Variants in CLIC5 observed in about 807,000 individuals in gnomAD.
The protein encoded by CLIC5 is CLIC family member 5.
Under a neutral mutation model 24.7 loss-of-function variants are expected in CLIC5, and 20 were observed. The ratio of observed to expected loss-of-function variants is 0.81; its 90% confidence interval spans 0.57 to 1.18. CLIC5 has a LOEUF of 1.18. Among genes scored for constraint, CLIC5 ranks in the 50% most tolerant of loss-of-function variants. The pLI is 0.00. For synonymous variants in CLIC5, 159 were observed against 135.6 expected, an observed-to-expected ratio of 1.17 and a Z score of -1.20; for missense variants, 341 against 326.1, an observed-to-expected ratio of 1.05 and a Z score of -0.35.
chr6:45,889,656 G>A lies in CLIC5; in HGVS notation c.624-8468C>T, dbSNP rs1561911432. On this transcript the variant is annotated intron_variant, in intron 6 of 6. Transcript: ENST00000644324. The stretch of plus-strand genomic sequence containing the variant: ...ATGATGATCAGGGACAAGGAAGAGT[G>A]TGACAATTTCCAATGTTTACTGTGT... 5.3e-5 allele frequency among the ~76,000 whole-genome samples: 8 copies of A among 152,146 alleles called. No individual in the cohort carries two copies. In the South Asian group the frequency reaches 1.7e-3, roughly 32 times the overall value.
chr6:46,113,889 C>G, the CLIC5 span, among the ~76,000 whole-genome samples: 1 of 152,122 alleles, frequency 6.6e-6, no homozygotes, highest in African/African-American at 2.4e-5. Context: ...ATCCATAAGC[C>G]AAGGAGAGTG....
At position 46,015,513 on chromosome 6, in the gene CLIC5, G is replaced by A. The variant is rs1415759631; in HGVS notation, c.30C>T (p.Asp10=). MTDSATANG[D]DRDPEIELFV... ...AGAGCTCGATCTCGGGGTCCCTGTCGTCCCCGTTAGCTGTCGCCGAGTCTG... is the reference window on the plus strand; with the variant it reads ...AGAGCTCGATCTCGGGGTCCCTGTCATCCCCGTTAGCTGTCGCCGAGTCTG... Residue 10 remains aspartate (D), a synonymous_variant, in exon 1 of 6, where the codon GAC becomes GAT. Coordinates refer to ENST00000339561, the MANE Select transcript of CLIC5 (RefSeq NM_016929.5). The A allele has an allele frequency of 6.4e-7, 1 of 1,574,670 alleles. No homozygotes were observed. Among genetic ancestry groups the A allele is most frequent in the Non-Finnish European group, 8.6e-7 (1 of 1,161,870 alleles).
chr6:45,943,899 T>C (rs931132799), intron 3 of CLIC5, among the ~76,000 whole-genome samples: 2 of 152,198 alleles, frequency 1.3e-5, no homozygotes, highest in African/African-American at 2.4e-5. Flanking sequence ...GTCTCTAAGA[T>C]GTTAATCTCG....
At chr6:45,910,756 G>C (rs1313563488) in intron 5 of CLIC5, among the ~76,000 whole-genome samples, 1 of 152,126 alleles carries the variant, frequency 6.6e-6, no homozygotes, top group Non-Finnish European at 1.5e-5. Context: ...CTGGGGCTAG[G>C]ACTGAGCAGA....
intron 4 of CLIC5, among the ~76,000 whole-genome samples, chr6:45,931,923 G>A (rs990128392): frequency 1.3e-5 from 2 of 152,088 alleles, no homozygotes; most frequent in Non-Finnish European, 2.9e-5. Flanking sequence ...GCCTCCCAAA[G>A]TGCTGGGATT....
intron 1 of CLIC5, among the ~76,000 whole-genome samples, chr6:45,984,520 T>C (rs1765668706): frequency 1.3e-5 from 2 of 152,170 alleles, no homozygotes; most frequent in Non-Finnish European, 2.9e-5. Context: ...GTGCCCCGCC[T>C]CCACAGTTTT....
intron 5 of CLIC5, among the ~76,000 whole-genome samples, chr6:45,906,066 C>T (rs573955528): frequency 6.6e-6 from 1 of 152,242 alleles, no homozygotes; most frequent in African/African-American, 2.4e-5. Flanking sequence ...TTCCATTCAT[C>T]TATGTGTCTG....
At chr6:46,076,861 G>A (rs901255421) in intron 1 of CLIC5, among the ~76,000 whole-genome samples, 2 of 152,150 alleles carry the variant, frequency 1.3e-5, no homozygotes, top group Non-Finnish European at 2.9e-5. Context: ...GACATGGCTG[G>A]GCGCGGTGGC....
At chr6:45,979,557 G>T (rs2127412462) in intron 1 of CLIC5, among the ~76,000 whole-genome samples, 1 of 152,206 alleles carries the variant, frequency 6.6e-6, no homozygotes, top group East Asian at 1.9e-4. Context: ...GGGCTGACAA[G>T]ATTAGATATT....
chr6:45,906,686 C>A lies in CLIC5; in HGVS notation c.589-3431G>T, dbSNP rs191783179. On this transcript the variant is annotated intron_variant, in intron 5 of 5. Transcript: ENST00000339561. ...CAAGCGATTCTCCTGCCTCAACCTC[C>A]TGAGTAGCTGGGATTACAGGCATGC... Among the ~76,000 whole-genome samples the A allele has an allele frequency of 3.0e-3, 454 of 152,218 alleles. 1 individual carries two copies. Among genetic ancestry groups the A allele is most frequent in the African/African-American group, 9.1e-3 (379 of 41,514 alleles).
At chr6:46,002,896 T>C (rs991658148) in intron 1 of CLIC5, among the ~76,000 whole-genome samples, 6 of 152,232 alleles carry the variant, frequency 3.9e-5, no homozygotes, top group Non-Finnish European at 8.8e-5. Flanking sequence ...AAAACCTTGG[T>C]CATCTCCCTC....
downstream of CLIC5, among the ~76,000 whole-genome samples, chr6:45,896,218 C>A (rs1475572187): frequency 6.6e-6 from 1 of 152,154 alleles, no homozygotes; most frequent in African/African-American, 2.4e-5. Context: ...TAGACGAATA[C>A]CTGATGGCCA....
At chr6:45,922,768 A>G (rs1763313535) in intron 4 of CLIC5, among the ~76,000 whole-genome samples, 1 of 151,764 alleles carries the variant, frequency 6.6e-6, no homozygotes, top group South Asian at 2.1e-4. Context: ...GTAGCATGTA[A>G]GCTGCCTGAA....
At chr6:46,082,052 C>A (rs554036332), upstream of CLIC5, among the ~76,000 whole-genome samples, 2 of 152,072 alleles carry the variant, frequency 1.3e-5, no homozygotes, top group African/African-American at 4.8e-5. Flanking sequence ...TTTTTGCTTC[C>A]CAAGAACCAA....
intron 1 of CLIC5, among the ~76,000 whole-genome samples, chr6:45,955,930 GT>G (rs1463721716): frequency 6.6e-6 from 1 of 152,114 alleles, no homozygotes; most frequent in Non-Finnish European, 1.5e-5. Context: ...TTGACTATCA[GT>G]TATGTGCAAG....
intron 1 of CLIC5, among the ~76,000 whole-genome samples, chr6:46,037,512 C>T (rs1397049296): frequency 6.6e-6 from 1 of 152,202 alleles, no homozygotes; most frequent in Admixed American, 6.5e-5. Context: ...ATACATGTCA[C>T]TTAAACTTCC....
rs1762904200 is a variant in CLIC5, at chr6:45,913,700, T to C, written c.588+528A>G. ...TGCTGCAAATGGTTAGTAAGTGCAA[T>C]GATAGCAAGAAAGTGACATCACTTC... is the stretch of plus-strand genomic sequence containing the variant. On this transcript the variant is annotated intron_variant, in intron 5 of 5. Coordinates refer to ENST00000339561, the MANE Select transcript of CLIC5 (RefSeq NM_016929.5). The C allele has an allele frequency of 5.3e-6, 5 of 943,282 alleles. No homozygotes were observed. The East Asian group carries it at 1.6e-4, about 31-fold the overall frequency. 58.4% of individuals were successfully genotyped at this position (943,282 alleles called of 1,614,324 possible).
chr6:45,907,520 T>G (rs1762694619), intron 5 of CLIC5, among the ~76,000 whole-genome samples: 1 of 152,184 alleles, frequency 6.6e-6, no homozygotes, highest in Non-Finnish European at 1.5e-5. Flanking sequence ...GGTTTTGGTA[T>G]CAGGGTGGTG....
At chr6:46,125,228 C>G in the CLIC5 span, among the ~76,000 whole-genome samples, 1 of 152,100 alleles carries the variant, frequency 6.6e-6, no homozygotes, top group Non-Finnish European at 1.5e-5. Context: ...ACATATACAC[C>G]ACAGAATACT....
Sources: gnomAD v4.1 joint callset for allele counts (sites outside exome capture counted in the v4.1 genomes callset) on GRCh38, gnomAD v4.1.1 for gene constraint, MANE v1.5 for transcripts, NCBI Gene and HGNC (gene_info 2026-07-23, HGNC 2026-07-21) for gene names.